LRP1B: variants seen among roughly 807,000 people sequenced by gnomAD.
LRP1B encodes LDL receptor related protein 1B, also known as low-density lipoprotein receptor-related protein 1B.
A neutral mutation model predicts 556.6 loss-of-function variants in LRP1B; 217 were observed. The ratio of observed to expected loss-of-function variants is 0.39; its 90% CI spans 0.35 to 0.44. The LOEUF (loss-of-function observed/expected upper bound fraction) is 0.44, where lower values mean the gene tolerates loss of function less well. Among genes scored for constraint, LRP1B ranks in the 20% least tolerant of loss-of-function variants. The pLI, the probability that LRP1B is intolerant of heterozygous loss-of-function variation, is 1.00. For synonymous variants in LRP1B, 2,047 were observed against 1,865.8 expected, an observed-to-expected ratio of 1.10 and a Z score of -2.50; for missense variants, 5,053 against 5,620.8, an observed-to-expected ratio of 0.90 and a Z score of 3.23.
intron 2 of LRP1B, among the ~76,000 whole-genome samples, chr2:141,544,343 C>CTTCTTCTTCTTCTTTTCTTCTT (rs1685440007): frequency 2.4e-5 from 2 of 83,462 alleles, no homozygotes; most frequent in Admixed American, 1.5e-4. Flanking sequence ...TCTTCTTCTT[C>CTTCTTCTTCTTCTTTTCTTCTT]TTCTTCTTCT....
intron 35 of LRP1B, among the ~76,000 whole-genome samples, chr2:140,748,591 G>GTATATATATATA (rs70988428): frequency 7.1e-4 from 52 of 73,314 alleles, no homozygotes; most frequent in East Asian, 1.2e-3. Flanking sequence ...TATACAGTGT[G>GTATATATATATA]TATATATATA....
chr2:141,084,342 TGAG>T (rs1393715222), intron 7 of LRP1B, among the ~76,000 whole-genome samples: 1 of 152,140 alleles, frequency 6.6e-6, no homozygotes, highest in African/African-American at 2.4e-5. Flanking sequence ...CATTATCTTA[TGAG>T]GAGTCTAGAT....
chr2:140,851,698 C>G lies in LRP1B; in HGVS notation c.4665G>C (p.Ala1555=), dbSNP rs375820720. The G allele has an allele frequency of 2.5e-6, 4 of 1,611,872 alleles. No individual in the cohort carries two copies. Among genetic ancestry groups the G allele is most frequent in the Non-Finnish European group, 3.4e-6 (4 of 1,179,246 alleles). The change falls in exon 28 of 91, where the codon GCG becomes GCC. Residue 1555 remains alanine (A), a synonymous_variant. Transcript: ENST00000389484. ...LINHNRSAAC[A]CPHLMKLSSD... The stretch of plus-strand genomic sequence containing the variant: ...AAGAAAGCTTCATCAAGTGGGGGCA[C>G]GCACAGGCAGCACTCCTATTGTGAT...
intron 86 of LRP1B, among the ~76,000 whole-genome samples, chr2:140,267,889 A>C (rs1682282225): frequency 6.6e-6 from 1 of 151,970 alleles, no homozygotes; most frequent in Non-Finnish European, 1.5e-5. Context: ...AGATAGGCCA[A>C]TTATCATTTT....
At chr2:140,589,901 T>C (rs1302810834) in intron 43 of LRP1B, among the ~76,000 whole-genome samples, 7 of 152,096 alleles carry the variant, frequency 4.6e-5, no homozygotes, top group African/African-American at 1.7e-4. Flanking sequence ...ACATGTGGGA[T>C]CATTGGAATG....
At chr2:141,818,158 T>A (rs142175205) in intron 1 of LRP1B, among the ~76,000 whole-genome samples, 88 of 152,332 alleles carry the variant, frequency 5.8e-4, no homozygotes, top group Non-Finnish European at 9.8e-4. Context: ...TATGGTTATA[T>A]TTTCTTTTGT....
intron 20 of LRP1B, among the ~76,000 whole-genome samples, chr2:140,948,165 C>A (rs1695597734): frequency 6.6e-6 from 1 of 152,172 alleles, no homozygotes. Context: ...GAGCTCACAT[C>A]TGAGATGACA....
rs72983159 is a variant in LRP1B at position 141,393,654 on chromosome 2, G to T, written c.343+86742C>A. On this transcript the variant is annotated intron_variant, in intron 3 of 90. Coordinates refer to ENST00000389484, the MANE Select transcript of LRP1B (RefSeq NM_018557.3). ...AGTCAGTGAGCTCAGGCTTGGACTGGGTCGGCTAAGAAATAAAAACAAATT... is the reference window on the plus strand; with the variant it reads ...AGTCAGTGAGCTCAGGCTTGGACTGTGTCGGCTAAGAAATAAAAACAAATT... 4.5e-3 allele frequency among the ~76,000 whole-genome samples: 679 copies of T among 152,154 alleles called. 6 individuals are homozygous for T. Among genetic ancestry groups the T allele is most frequent in the African/African-American group, 0.015 (636 of 41,522 alleles).
rs1171286029 is a variant in LRP1B at position 140,577,780 on chromosome 2, A to AT, written c.7194+20850dup. On this transcript the variant is annotated intron_variant, in intron 43 of 90. Coordinates refer to ENST00000389484, the MANE Select transcript of LRP1B (RefSeq NM_018557.3). ...ATTTGCTTGATTTATTGAATTCCTTATTTTTTAAATTTTGATCAAAATCAG... is the reference window on the plus strand; with the variant it reads ...ATTTGCTTGATTTATTGAATTCCTTATTTTTTTAAATTTTGATCAAAATCAG... Among the ~76,000 whole-genome samples the AT allele has an allele frequency of 4.6e-5, 7 of 152,158 alleles. No homozygotes were observed. The South Asian group carries it at 1.0e-3, about 23-fold the overall frequency.
intron 36 of LRP1B, among the ~76,000 whole-genome samples, chr2:140,716,420 C>T (rs1687211724): frequency 1.3e-5 from 2 of 152,156 alleles, no homozygotes; most frequent in South Asian, 2.1e-4. Flanking sequence ...GAACTTCTAA[C>T]ACTTGTTTAC....
rs1257390248 is a variant in LRP1B at position 140,358,104 on chromosome 2, T to C, written c.11270A>G (p.Tyr3757Cys). ...DEDHCGGKLT[Y>C]KARPCKKDEF... is the part of the protein sequence containing the mutation. ...ATCCTTTTTACAAGGCCTTGCTTTA[T>C]ATGTCAGCTTACCTATAGAGTCATA... is the stretch of plus-strand genomic sequence containing the variant. The change falls in exon 74 of 91, where the codon TAT becomes TGT. Residue 3757 changes from tyrosine to cysteine, a missense_variant. Around this residue, in one of 5 missense-constraint regions of LRP1B, gnomAD observed 599 missense variants for 648.4 expected, o/e 0.92. Coordinates refer to ENST00000389484, the MANE Select transcript of LRP1B (RefSeq NM_018557.3). 2 of 1,610,704 alleles carry C rather than the reference T, an allele frequency of 1.2e-6. No individual in the cohort carries two copies. Among genetic ancestry groups the C allele is most frequent in the East Asian group, 2.2e-5 (1 of 44,716 alleles).
chr2:140,628,659 C>G (rs1683766112), intron 41 of LRP1B, among the ~76,000 whole-genome samples: 1 of 152,046 alleles, frequency 6.6e-6, no homozygotes. Flanking sequence ...GTGGTACTCT[C>G]AAATTATCAT....
At chr2:141,307,057 C>T (rs146733051) in intron 3 of LRP1B, among the ~76,000 whole-genome samples, 3,680 of 152,050 alleles carry the variant, frequency 0.024, 78 homozygotes, top group Non-Finnish European at 0.036. Flanking sequence ...CACATGCTGA[C>T]GGGGAAAATG....
chr2:140,877,089 A>G (rs1037890339), intron 25 of LRP1B, among the ~76,000 whole-genome samples: 2 of 151,074 alleles, frequency 1.3e-5, no homozygotes, highest in African/African-American at 4.9e-5. Flanking sequence ...ATTTTTTTCT[A>G]ATTTGGAGTC....
intron 3 of LRP1B, among the ~76,000 whole-genome samples, chr2:141,313,362 G>GA (rs548351934): frequency 5.4e-4 from 80 of 146,910 alleles, no homozygotes; most frequent in African/African-American, 1.0e-3. Flanking sequence ...TGTAAAAAAA[G>GA]AAAAAAAAAC....
At chr2:141,109,636 T>C (rs1700698257) in intron 7 of LRP1B, among the ~76,000 whole-genome samples, 1 of 146,224 alleles carries the variant, frequency 6.8e-6, no homozygotes, top group Non-Finnish European at 1.5e-5. Flanking sequence ...CTTGCCTAAG[T>C]GTAGGGAGGA....
intron 57 of LRP1B, among the ~76,000 whole-genome samples, chr2:140,489,835 C>G (rs1056820593): frequency 6.6e-6 from 1 of 152,136 alleles, no homozygotes; most frequent in Admixed American, 6.6e-5. Flanking sequence ...TTATCCTATT[C>G]CTTCTTTACA....
chr2:140,866,733 G>A (rs1236071008), intron 27 of LRP1B, among the ~76,000 whole-genome samples: 2 of 152,112 alleles, frequency 1.3e-5, no homozygotes, highest in Non-Finnish European at 2.9e-5. Flanking sequence ...AGACAAAGGA[G>A]AGCCATGTGA....
At chr2:141,226,862 C>G (rs1263713182) in intron 6 of LRP1B, among the ~76,000 whole-genome samples, 1 of 152,144 alleles carries the variant, frequency 6.6e-6, no homozygotes, top group East Asian at 1.9e-4. Flanking sequence ...CTGCCCCACT[C>G]CCATCATCAA....
Sources: allele counts gnomAD v4.1 joint callset (sites outside exome capture counted in the v4.1 genomes callset), GRCh38; gene constraint gnomAD v4.1.1; regional missense constraint gnomAD v4.1.1; transcripts MANE v1.5; gene names NCBI Gene and HGNC (gene_info 2026-07-23, HGNC 2026-07-21).